MLLT6: variants seen among roughly 807,000 people sequenced by gnomAD.
The protein encoded by MLLT6 is protein AF-17.
Under a neutral mutation model 103.0 loss-of-function variants are expected in MLLT6, and 22 were observed. That is an observed-to-expected ratio of 0.21 (90% CI 0.15 to 0.31). The LOEUF (loss-of-function observed/expected upper bound fraction) is 0.31, where lower values mean the gene tolerates loss of function less well. Among genes scored for constraint, MLLT6 ranks in the 10% least tolerant of loss-of-function variants. MLLT6 has a pLI of 1.00. For missense variants in MLLT6, 1,199 were observed against 1,441.7 expected, an observed-to-expected ratio of 0.83 and a Z score of 2.73; for synonymous variants, 606 against 623.5, an observed-to-expected ratio of 0.97 and a Z score of 0.42.
Position 38,719,731 on chromosome 17 carries a change from A to G in MLLT6, c.2010-19A>G. On this transcript the variant is annotated intron_variant, in intron 13 of 19. Transcript: ENST00000621332. ...TGGAGTGGTCGGGTCGACTGAACCC[A>G]GGTTCCCTCTGGCCGCAGGTCCCCC... 1.2e-6 allele frequency: 2 copies of G among 1,602,832 alleles called. No individual in the cohort carries two copies. Among genetic ancestry groups the G allele is most frequent in the East Asian group, 2.2e-5 (1 of 44,584 alleles).
Position 38,728,084 on chromosome 17 carries a change from G to T in MLLT6, c.*2486G>T, listed in dbSNP as rs1224281142. 4.3e-6 allele frequency: 1 copy of T among 233,142 alleles called. No homozygotes were observed. The highest frequency in any genetic ancestry group is 8.5e-6 in the Non-Finnish European group (1 of 118,054). 14.4% of individuals were successfully genotyped at this position (233,142 alleles called of 1,614,324 possible). On this transcript the variant is annotated 3_prime_UTR_variant, in exon 20 of 20. Coordinates refer to ENST00000621332, the MANE Select transcript of MLLT6 (RefSeq NM_005937.4). Reference sequence around the variant, plus strand: ...GGCTGTTCTCCAACTTTCCCAAGCCGCTTGCATTCCCCAGACTGGACTACT... The same window carrying T: ...GGCTGTTCTCCAACTTTCCCAAGCCTCTTGCATTCCCCAGACTGGACTACT...
chr17:38,709,018 G>A lies in MLLT6; in HGVS notation c.355-155G>A, dbSNP rs1335402164. The stretch of plus-strand genomic sequence containing the variant: ...ACTGGTGGCATTTGTCTTGGACGGC[G>A]CAGACCATAGAGCGTTTTCATCACT... On this transcript the variant is annotated intron_variant, in intron 4 of 19. Transcript: ENST00000621332. The surrounding 1 kb of genome is among the most constrained non-coding windows in gnomAD (Gnocchi z 4.3). 2.0e-5 allele frequency: 13 copies of A among 643,636 alleles called. No homozygotes were observed. Among genetic ancestry groups the A allele is most frequent in the Non-Finnish European group, 3.3e-5 (12 of 367,788 alleles). The allele number at this position is 643,636 out of a possible 1,614,324, so 39.9% of individuals were successfully genotyped here.
chr17:38,724,132 C>T lies in MLLT6; in HGVS notation c.2884-488C>T, dbSNP rs146143784. The T allele has an allele frequency of 3.8e-3, 589 of 153,110 alleles. 7 individuals carry two copies. The highest frequency in any genetic ancestry group is 0.014 in the African/African-American group (571 of 41,536). The allele number at this position is 153,110 out of a possible 1,614,324, so 9.5% of individuals were successfully genotyped here. On this transcript the variant is annotated intron_variant, in intron 18 of 19. Transcript: ENST00000621332. This position sits in a 1 kb window ranked among gnomAD's most constrained non-coding sequence, Gnocchi z 5.4. Reference sequence around the variant, plus strand: ...ATTAGCCGGATGTGGTGGCAGGCCCCTGTAATCCAGCTACCTGGGAGGCTG... The same window carrying T: ...ATTAGCCGGATGTGGTGGCAGGCCCTTGTAATCCAGCTACCTGGGAGGCTG...
At position 38,711,993 on chromosome 17, in the gene MLLT6, C is replaced by T; in HGVS notation, c.699C>T (p.His233=). ...CGCAGCAGGAGAAGCACCCCACCCACCACGAGAGGGGCCAGAAGAAGGTAG... is the reference window on the plus strand; with the variant it reads ...CGCAGCAGGAGAAGCACCCCACCCATCACGAGAGGGGCCAGAAGAAGGTAG... ...PSTQQEKHPT[H]HERGQKKSRK... is the part of the protein sequence containing the mutation. Residue 233 remains histidine, a synonymous_variant, in exon 7 of 20, where the codon CAC becomes CAT. Transcript: ENST00000621332. 2 of 1,594,234 alleles carry T rather than the reference C, an allele frequency of 1.3e-6. No individual in the cohort carries two copies. Among genetic ancestry groups the T allele is most frequent in the Non-Finnish European group, 1.7e-6 (2 of 1,169,250 alleles).
chr17:38,707,731 C>A, intron 3 of MLLT6, 32 bp from the exon 4 acceptor site: 1 of 1,421,498 alleles, frequency 7.0e-7, no homozygotes, highest in Non-Finnish European at 9.9e-7. Flanking sequence ...GGCTTGCCAT[C>A]TGCAGCTGAG....
chr17:38,710,514 G>A (rs1338895520), intron 6 of MLLT6, among the ~76,000 whole-genome samples: 1 of 152,164 alleles, frequency 6.6e-6, no homozygotes, highest in East Asian at 1.9e-4. Context: ...GTGGCCGGGA[G>A]ACAGCTGCAA....
intron 8 of MLLT6, 69 bp downstream of exon 8, chr17:38,712,858 G>T (rs749400961): frequency 4.1e-6 from 5 of 1,210,624 alleles, no homozygotes; most frequent in Non-Finnish European, 4.9e-6. Context: ...AGGCGGGGGC[G>T]AGAGGTTGGT....
intron 14 of MLLT6, among the ~76,000 whole-genome samples, 170 bp downstream of exon 14, chr17:38,720,065 C>T (rs1233804319): frequency 6.6e-6 from 1 of 152,230 alleles, no homozygotes; most frequent in African/African-American, 2.4e-5. Context: ...CACGACCGGC[C>T]CTGGTCCCTC....
At chr17:38,721,853 C>T (rs749038217) in intron 16 of MLLT6, 25 bp from the exon 17 acceptor site, 4 of 1,502,200 alleles carry the variant, frequency 2.7e-6, no homozygotes, top group Non-Finnish European at 3.6e-6. Context: ...GCCCTCTGAC[C>T]CCTCCCTTCC....
intron 6 of MLLT6, among the ~76,000 whole-genome samples, chr17:38,711,350 G>C (rs1905134818): frequency 6.6e-6 from 1 of 152,112 alleles, no homozygotes; most frequent in Admixed American, 6.5e-5. Context: ...CAACCACTGT[G>C]TTTGGTGGAG....
intron 14 of MLLT6, 76 bp downstream of exon 14, chr17:38,719,971 CTTCT>C: frequency 6.8e-7 from 1 of 1,477,758 alleles, no homozygotes; most frequent in Non-Finnish European, 9.0e-7. Context: ...GGTCCCCAAG[CTTCT>C]TTAAGGTTCC....
chr17:38,717,019 C>A, intron 10 of MLLT6, 38 bp downstream of exon 10: 8 of 1,608,752 alleles, frequency 5.0e-6, no homozygotes, highest in Non-Finnish European at 6.8e-6. Context: ...TTTCAGGGCC[C>A]AGCCAGTCTA....
In MLLT6 at chr17:38,719,820, G is replaced by T. The variant is rs756928212; in HGVS notation, c.2080G>T (p.Asp694Tyr). 3 of 1,613,194 alleles carry T rather than the reference G, an allele frequency of 1.9e-6. No individual in the cohort carries two copies. The South Asian group carries it at 3.3e-5, about 18-fold the overall frequency. ...TGCACCCTGTGGGGGCGGCCAGTTA[G>T]ACCCGGCGGCCCCAGGGACGACTAA... ...ASAPCGGGQL[D>Y]PAAPGTTNME... The change falls in exon 14 of 20, where the codon GAC becomes TAC. Residue 694 changes from aspartate (D) to tyrosine (Y), a missense_variant. Asp to Tyr is a radical substitution (Grantham distance 160). Transcript: ENST00000621332.
chr17:38,710,696 C>T (rs1298826475), intron 6 of MLLT6, among the ~76,000 whole-genome samples: 2 of 152,074 alleles, frequency 1.3e-5, no homozygotes, highest in Non-Finnish European at 2.9e-5. Context: ...AGGGGTACAG[C>T]TGGCTTCTGT....
Position 38,726,263 on chromosome 17 carries a change from C to G in MLLT6, c.*665C>G, listed in dbSNP as rs1439006595. On this transcript the variant is annotated 3_prime_UTR_variant, in exon 20 of 20. Transcript: ENST00000621332. ...AGGAGAGGGCAGGTGCGGGGAGGCT[C>G]TGGCCTTCCTTGGTGCCCCGCCCTT... 7 of 234,062 alleles carry G rather than the reference C, an allele frequency of 3.0e-5. No individual in the cohort carries two copies. The highest frequency in any genetic ancestry group is 5.6e-5 in the Admixed American group (1 of 17,792). The allele number at this position is 234,062 out of a possible 1,614,324, so 14.5% of individuals were successfully genotyped here. A position where few individuals can be genotyped will look rare whatever the true frequency, so the allele number is the denominator to read the frequency against.
chr17:38,715,624 G>C lies in MLLT6; in HGVS notation c.832G>C (p.Ala278Pro), dbSNP rs1446302691. ...TCCTCTCCTTCAGGTCTCCTCCTCG[G>C]CTTCCTCTTCCTCCCACCACGAGGC... Reference protein sequence around the residue: ...VPTADKVSSSASSSSHHEAST... With the variant: ...VPTADKVSSSPSSSSHHEAST... The change falls in exon 9 of 20, where the codon GCT becomes CCT. Residue 278 changes from alanine to proline, a missense_variant. By Grantham distance (27) the Ala-to-Pro change is conservative (BLOSUM62 -1). This residue lies in a region of MLLT6 where 1,034 missense variants were observed against 1,091.5 expected (regional missense o/e 0.95). Coordinates refer to ENST00000621332, the MANE Select transcript of MLLT6 (RefSeq NM_005937.4). The C allele has an allele frequency of 2.5e-6, 4 of 1,612,606 alleles. No individual in the cohort carries two copies. The African/African-American group carries it at 5.3e-5, about 22-fold the overall frequency.
intron 19 of MLLT6, 168 bp from the exon 20 acceptor site, chr17:38,725,388 AC>A: frequency 1.6e-6 from 1 of 625,388 alleles, no homozygotes; most frequent in East Asian, 3.0e-5. Context: ...GTGGTTTCAC[AC>A]CCCTGCGCAT....
intron 19 of MLLT6, chr17:38,725,330 A>G (rs1598004440): frequency 2.0e-5 from 11 of 556,794 alleles, no homozygotes. Context: ...CTGAGGGCAC[A>G]CGGCCTTAGC....
chr17:38,722,873 A>G, intron 18 of MLLT6, 105 bp downstream of exon 18: 1 of 863,430 alleles, frequency 1.2e-6, no homozygotes. Context: ...AGGCAGAGTG[A>G]GGGGAAGCTC....
Sources: gnomAD v4.1 joint callset for allele counts (sites outside exome capture counted in the v4.1 genomes callset) on GRCh38, gnomAD v4.1.1 for gene constraint, gnomAD v4.1.1 regional missense constraint, Gnocchi (gnomAD v3.1) non-coding constraint, MANE v1.5 for transcripts, NCBI Gene and HGNC (gene_info 2026-07-23, HGNC 2026-07-21) for gene names.